The following SOX18 variants were observed in gnomAD, a reference collection of about 807,000 sequenced individuals.
SOX18 encodes SRY-box transcription factor 18.
In SOX18, 2 loss-of-function variants were observed where a neutral mutation model predicts 9.1. The observed-to-expected ratio is 0.22, with a 90% CI of 0.09 to 0.69. The LOEUF is 0.69. Ranked by LOEUF, SOX18 falls within the 30% of genes least tolerant of loss-of-function variation. The pLI is 0.80. For synonymous variants in SOX18, 292 were observed against 280.5 expected (o/e 1.04, Z -0.41); for missense variants, 542 against 567.3 (o/e 0.96, Z 0.45).
Position 64,048,083 on chromosome 20 carries a change from G to C in SOX18, c.*83C>G, listed in dbSNP as rs1196908699. 7.8e-7 allele frequency: 1 copy of C among 1,289,006 alleles called. No individual in the cohort carries two copies. The highest frequency in any genetic ancestry group is 1.3e-5 in the South Asian group (1 of 78,808). The allele number at this position is 1,289,006 out of a possible 1,614,324, so 79.8% of individuals were successfully genotyped here. On this transcript the variant is annotated 3_prime_UTR_variant, in exon 2 of 2. Transcript: ENST00000340356. ...GAACCAAACATACACGCGTATGAGAGAGCAGAGCGGCAGCGACGCGGTCGG... is the reference window on the plus strand; with the variant it reads ...GAACCAAACATACACGCGTATGAGACAGCAGAGCGGCAGCGACGCGGTCGG...
chr20:64,049,521 G>C lies in SOX18; in HGVS notation c.-5C>G, dbSNP rs1184249361. The C allele has an allele frequency of 5.6e-6, 6 of 1,069,854 alleles. No homozygotes were observed. The Admixed American group carries it at 3.2e-4, about 58-fold the overall frequency. The allele number at this position is 1,069,854 out of a possible 1,614,324, so 66.3% of individuals were successfully genotyped here. ...GCCGGGCGGCGATCTCTGCATTCCA[G>C]CTGGGCGCGGCCTGGGCGGAACGGA... On this transcript the variant is annotated 5_prime_UTR_variant, in exon 1 of 2. Transcript: ENST00000340356.
In SOX18 at chr20:64,049,497, C is replaced by T. The variant is rs2059422293; in HGVS notation, c.20G>A (p.Gly7Asp). The change falls in exon 1 of 2, where the codon GGC becomes GAC. Residue 7 changes from glycine (G) to aspartate (D), a missense_variant. Transcript: ENST00000340356. MQRSPP[G>D]YGAQDDPPAR... Reference sequence around the variant, plus strand: ...GGGCGGGTCGTCCTGTGCGCCGTAGCCGGGCGGCGATCTCTGCATTCCAGC... The same window carrying T: ...GGGCGGGTCGTCCTGTGCGCCGTAGTCGGGCGGCGATCTCTGCATTCCAGC... The T allele has an allele frequency of 1.9e-6, 2 of 1,061,782 alleles. No homozygotes were observed. The highest frequency in any genetic ancestry group is 2.3e-6 in the Non-Finnish European group (2 of 881,182). The allele number at this position is 1,061,782 out of a possible 1,614,324, so 65.8% of individuals were successfully genotyped here.
chr20:64,048,911 TC>T lies in SOX18; in HGVS notation c.409del (p.Glu137LysfsTer41). 2 of 1,596,910 alleles carry T rather than the reference TC, an allele frequency of 1.3e-6. No homozygotes were observed. The highest frequency in any genetic ancestry group is 8.5e-7 in the Non-Finnish European group (1 of 1,176,266). On this transcript the variant is annotated frameshift_variant, in exon 2 of 2. Transcript: ENST00000340356. LOFTEE classifies it low-confidence loss of function (END_TRUNC). ...GTGCTGCACGCGCAGCCGTTCGGCT[TC>T]CTCCACGAAGGGCCGCTTCTCCGCC... ...NAAEKRPFVE[E>X]AERLRVQHLR... is the part of the protein sequence containing the mutation.
At position 64,048,637 on chromosome 20, in the gene SOX18, A is replaced by C. The variant is rs2059409647; in HGVS notation, c.684T>G (p.Ala228=). The change falls in exon 2 of 2, where the codon GCT becomes GCG. Residue 228 remains alanine, a synonymous_variant. Transcript: ENST00000340356. ...GCGCCGCGGGCGGTGGGAAGAAGGCAGCCTCGCCGGGCTCCAGGCCGTCCA... is the reference window on the plus strand; with the variant it reads ...GCGCCGCGGGCGGTGGGAAGAAGGCCGCCTCGCCGGGCTCCAGGCCGTCCA... ...SPLDGLEPGE[A]AFFPPPAAPE... 1 of 1,262,814 alleles carries C rather than the reference A, an allele frequency of 7.9e-7. No individual in the cohort carries two copies. Among genetic ancestry groups the C allele is most frequent in the Admixed American group, 4.3e-5 (1 of 23,316 alleles). 78.2% of individuals were successfully genotyped at this position (1,262,814 alleles called of 1,614,324 possible).
At position 64,047,840 on chromosome 20, in the gene SOX18, A is replaced by C; in HGVS notation, c.*326T>G. 1 of 417,012 alleles carries C rather than the reference A, an allele frequency of 2.4e-6. No individual in the cohort carries two copies. Among genetic ancestry groups the C allele is most frequent in the Admixed American group, 4.1e-5 (1 of 24,454 alleles). 25.8% of individuals were successfully genotyped at this position (417,012 alleles called of 1,614,324 possible). A position where few individuals can be genotyped will look rare whatever the true frequency, so the allele number is the denominator to read the frequency against. ...AATCTGGTTGTAGAAAATACACTGC[A>C]AGAAAAGGAGCAGGTGCTTCAAAAA... On this transcript the variant is annotated 3_prime_UTR_variant, in exon 2 of 2. Coordinates refer to ENST00000340356, the MANE Select transcript of SOX18 (RefSeq NM_018419.3).
chr20:64,048,342 A>G lies in SOX18; in HGVS notation c.979T>C (p.Phe327Leu). Reference sequence around the variant, plus strand: ...CGGCTGCAGTTGAGGTACTGGTCGAACTCGGTGAGGTCCACGTCGGCCCAC... The same window carrying G: ...CGGCTGCAGTTGAGGTACTGGTCGAGCTCGGTGAGGTCCACGTCGGCCCAC... ...DLWADVDLTE[F>L]DQYLNCSRTR... Residue 327 changes from phenylalanine (F) to leucine (L), a missense_variant, in exon 2 of 2, where the codon TTC (phenylalanine) becomes CTC (leucine). Transcript: ENST00000340356. The G allele has an allele frequency of 6.3e-7, 1 of 1,589,386 alleles. No homozygotes were observed. Among genetic ancestry groups the G allele is most frequent in the South Asian group, 1.1e-5 (1 of 87,586 alleles).
In SOX18 at chr20:64,048,378, C is replaced by A; in HGVS notation, c.943G>T (p.Ala315Ser). 2 of 1,564,292 alleles carry A rather than the reference C, an allele frequency of 1.3e-6. No individual in the cohort carries two copies. The highest frequency in any genetic ancestry group is 1.7e-6 in the Non-Finnish European group (2 of 1,158,674). Residue 315 changes from alanine (A) to serine (S), a missense_variant, in exon 2 of 2, where the codon GCC (alanine) becomes TCC (serine). Transcript: ENST00000340356. ...TCCACGTCGGCCCACAGATCGGCGG[C>A]GGGCCCCAGCGGCTCGGCGCTCTCC... ...PLESAEPLGP[A>S]ADLWADVDLT...
At chr20:64,049,086 G>GCCCCCCCCCCCC in intron 1 of SOX18, 73 bp downstream of exon 1, 1 of 831,916 alleles carries the variant, frequency 1.2e-6, no homozygotes, top group Non-Finnish European at 1.6e-6. Context: ...CGGGACCCCT[G>GCCCCCCCCCCCC]CCCCCCCCGC....
rs1384346361 is a variant in SOX18 at position 64,047,902 on chromosome 20, C to T, written c.*264G>A. 8.9e-6 allele frequency: 5 copies of T among 563,876 alleles called. No homozygotes were observed. Among genetic ancestry groups the T allele is most frequent in the Non-Finnish European group, 1.3e-5 (4 of 316,508 alleles). 34.9% of individuals were successfully genotyped at this position (563,876 alleles called of 1,614,324 possible). ...CAACTCTGCCAACAGGTCCTGGGCT[C>T]GGGCTTCCTGGAAAAGCCCCGGGAC... On this transcript the variant is annotated 3_prime_UTR_variant, in exon 2 of 2. Coordinates refer to ENST00000340356, the MANE Select transcript of SOX18 (RefSeq NM_018419.3).
At position 64,048,355 on chromosome 20, in the gene SOX18, C is replaced by G. The variant is rs1159472980; in HGVS notation, c.966G>C (p.Val322=). ...GGTACTGGTCGAACTCGGTGAGGTC[C>G]ACGTCGGCCCACAGATCGGCGGCGG... ...LGPAADLWAD[V]DLTEFDQYLN... The change falls in exon 2 of 2, where the codon GTG becomes GTC. Residue 322 remains valine, a synonymous_variant. Transcript: ENST00000340356. 2 of 1,585,052 alleles carry G rather than the reference C, an allele frequency of 1.3e-6. No homozygotes were observed. Among genetic ancestry groups the G allele is most frequent in the East Asian group, 2.3e-5 (1 of 43,292 alleles).
chr20:64,048,893 A>C lies in SOX18; in HGVS notation c.428T>G (p.Val143Gly), dbSNP rs769110771. The change falls in exon 2 of 2, where the codon GTG (valine) becomes GGG (glycine). Residue 143 changes from valine to glycine, a missense_variant. Coordinates refer to ENST00000340356, the MANE Select transcript of SOX18 (RefSeq NM_018419.3). ...GTTGGGGTGGTCGCGCAAGTGCTGC[A>C]CGCGCAGCCGTTCGGCTTCCTCCAC... ...PFVEEAERLR[V>G]QHLRDHPNYK... is the part of the protein sequence containing the mutation. 7.5e-6 allele frequency: 12 copies of C among 1,595,828 alleles called. No individual in the cohort carries two copies. The highest frequency in any genetic ancestry group is 1.0e-5 in the Non-Finnish European group (12 of 1,175,862).
chr20:64,048,172 G>A lies in SOX18; in HGVS notation c.1149C>T (p.Ser383=), dbSNP rs377287358. The change falls in exon 2 of 2, where the codon TCC becomes TCT. Residue 383 remains serine, a synonymous_variant. Coordinates refer to ENST00000340356, the MANE Select transcript of SOX18 (RefSeq NM_018419.3). ...CCCGGGCGGCGCCGGCGGCCTAGCC[G>A]GAGATGCACGCGCTGTAATAGACCG... ...SSAVYYSACI[S]G 37 of 1,549,450 alleles carry A rather than the reference G, an allele frequency of 2.4e-5. No homozygotes were observed. The African/African-American group carries it at 2.8e-4, about 12-fold the overall frequency.
In SOX18 at chr20:64,048,642, C is replaced by T. The variant is rs2059409730; in HGVS notation, c.679G>A (p.Glu227Lys). 4.0e-6 allele frequency: 5 copies of T among 1,265,742 alleles called. No homozygotes were observed. The highest frequency in any genetic ancestry group is 5.0e-6 in the Non-Finnish European group (5 of 1,009,776). The allele number at this position is 1,265,742 out of a possible 1,614,324, so 78.4% of individuals were successfully genotyped here. A position where few individuals can be genotyped will look rare whatever the true frequency, so the allele number is the denominator to read the frequency against. Residue 227 changes from glutamate (E) to lysine (K), a missense_variant, in exon 2 of 2, where the codon GAG becomes AAG. By Grantham distance (56) the Glu-to-Lys change is moderately conservative. Transcript: ENST00000340356. ...RSPLDGLEPG[E>K]AAFFPPPAAP... ...GCGGGCGGTGGGAAGAAGGCAGCCT[C>T]GCCGGGCTCCAGGCCGTCCAGAGGC...
In SOX18 at chr20:64,048,453, G is replaced by A; in HGVS notation, c.868C>T (p.Pro290Ser). The change falls in exon 2 of 2, where the codon CCC (proline) becomes TCC (serine). Residue 290 changes from proline (P) to serine (S), a missense_variant. Pro to Ser is a moderately conservative substitution (Grantham distance 74). Coordinates refer to ENST00000340356, the MANE Select transcript of SOX18 (RefSeq NM_018419.3). ...GACAGCGGGCCGGGGTACGGGCCGG[G>A]CGTGCCCAGGGTGCCGTAGTACAGG... ...AGLYYGTLGTPGPYPGPLSPP... is the reference protein window; with the variant it reads ...AGLYYGTLGTSGPYPGPLSPP... 2 of 1,342,868 alleles carry A rather than the reference G, an allele frequency of 1.5e-6. No individual in the cohort carries two copies. Among genetic ancestry groups the A allele is most frequent in the Non-Finnish European group, 1.9e-6 (2 of 1,057,182 alleles). The allele number at this position is 1,342,868 out of a possible 1,614,324, so 83.2% of individuals were successfully genotyped here. A position where few individuals can be genotyped will look rare whatever the true frequency, so the allele number is the denominator to read the frequency against.
rs2059402514 is a variant in SOX18, at chr20:64,048,068, T to C, written c.*98A>G. ...GGGGGCTGTGACATGGAACCAAACATACACGCGTATGAGAGAGCAGAGCGG... is the reference window on the plus strand; with the variant it reads ...GGGGGCTGTGACATGGAACCAAACACACACGCGTATGAGAGAGCAGAGCGG... On this transcript the variant is annotated 3_prime_UTR_variant, in exon 2 of 2. Transcript: ENST00000340356. 10 of 1,188,640 alleles carry C rather than the reference T, an allele frequency of 8.4e-6. No individual in the cohort carries two copies. Among genetic ancestry groups the C allele is most frequent in the Non-Finnish European group, 9.6e-6 (8 of 833,716 alleles). The allele number at this position is 1,188,640 out of a possible 1,614,324, so 73.6% of individuals were successfully genotyped here.
At position 64,049,537 on chromosome 20, in the gene SOX18, G is replaced by A; in HGVS notation, c.-21C>T. 9.4e-7 allele frequency: 1 copy of A among 1,066,458 alleles called. No individual in the cohort carries two copies. Among genetic ancestry groups the A allele is most frequent in the Non-Finnish European group, 1.1e-6 (1 of 884,164 alleles). 66.1% of individuals were successfully genotyped at this position (1,066,458 alleles called of 1,614,324 possible). ...TGCATTCCAGCTGGGCGCGGCCTGG[G>A]CGGAACGGAGCGCGGGAGCGCGGCG... On this transcript the variant is annotated 5_prime_UTR_variant, in exon 1 of 2. Transcript: ENST00000340356.
At position 64,048,844 on chromosome 20, in the gene SOX18, C is replaced by G. The variant is rs1433139583; in HGVS notation, c.477G>C (p.Lys159Asn). The change falls in exon 2 of 2, where the codon AAG becomes AAC. Residue 159 changes from lysine (K) to asparagine (N), a missense_variant. Lys to Asn is a moderately conservative substitution (Grantham distance 94). Transcript: ENST00000340356. Reference protein sequence around the residue: ...HPNYKYRPRRKKQARKARRLE... With the variant: ...HPNYKYRPRRNKQARKARRLE... ...GCCGCCGGGCCTTGCGCGCCTGCTT[C>G]TTGCGGCGCGGCCGGTACTTGTAGT... is the stretch of plus-strand genomic sequence containing the variant. 2.5e-6 allele frequency: 4 copies of G among 1,582,490 alleles called. No homozygotes were observed. Among genetic ancestry groups the G allele is most frequent in the Non-Finnish European group, 3.4e-6 (4 of 1,170,876 alleles).
chr20:64,048,119 G>C lies in SOX18; in HGVS notation c.*47C>G. On this transcript the variant is annotated 3_prime_UTR_variant, in exon 2 of 2. Transcript: ENST00000340356. ...CAGCGACGCGGTCGGATCGGTCGCG[G>C]GGGCTGCGGGAGGAAGCGCTGCAGG... 8 of 1,507,096 alleles carry C rather than the reference G, an allele frequency of 5.3e-6. No individual in the cohort carries two copies. Among genetic ancestry groups the C allele is most frequent in the Non-Finnish European group, 7.1e-6 (8 of 1,122,162 alleles). The allele number at this position is 1,507,096 out of a possible 1,614,324, so 93.4% of individuals were successfully genotyped here.
Position 64,048,099 on chromosome 20 carries a change from A to C in SOX18, c.*67T>G. On this transcript the variant is annotated 3_prime_UTR_variant, in exon 2 of 2. Transcript: ENST00000340356. Reference sequence around the variant, plus strand: ...CGTATGAGAGAGCAGAGCGGCAGCGACGCGGTCGGATCGGTCGCGGGGGCT... The same window carrying C: ...CGTATGAGAGAGCAGAGCGGCAGCGCCGCGGTCGGATCGGTCGCGGGGGCT... The C allele has an allele frequency of 7.1e-7, 1 of 1,405,222 alleles. No homozygotes were observed. Among genetic ancestry groups the C allele is most frequent in the Admixed American group, 2.0e-5 (1 of 50,592 alleles). 87.0% of individuals were successfully genotyped at this position (1,405,222 alleles called of 1,614,324 possible).
Sources: gnomAD v4.1 joint callset for allele counts on GRCh38, gnomAD v4.1.1 for gene constraint, MANE v1.5 for transcripts, NCBI Gene and HGNC (gene_info 2026-07-23, HGNC 2026-07-21) for gene names.